Variants in DYNLT2 observed in about 807,000 individuals in gnomAD.
DYNLT2 encodes dynein light chain Tctex-type protein 2.
A neutral mutation model predicts 24.3 loss-of-function variants in DYNLT2; 24 were observed. The ratio of observed to expected loss-of-function variants is 0.99; its 90% CI spans 0.71 to 1.39. The LOEUF is 1.39. DYNLT2 is among the 40% of genes most tolerant of loss of function. DYNLT2 has a pLI of 0.00. For synonymous variants in DYNLT2, 85 were observed against 85.4 expected (o/e 1.00, Z 0.03); for missense variants, 246 against 234.5 (o/e 1.05, Z -0.32).
chr6:169,750,542 A>T (rs750553453), intron 1 of DYNLT2: 4 of 152,204 alleles, frequency 2.6e-5, no homozygotes, highest in Non-Finnish European at 4.4e-5. Flanking sequence ...TTTGCCTGTC[A>T]TCTCTATCTT....
chr6:169,727,716 A>G, the DYNLT2 span, among the ~76,000 whole-genome samples: 53 of 152,054 alleles, frequency 3.5e-4, no homozygotes, highest in Middle Eastern at 3.4e-3. Context: ...GGTGCCCGCT[A>G]CCACACCTGG....
intron 1 of DYNLT2, among the ~76,000 whole-genome samples, chr6:169,745,479 T>C (rs1254801306): frequency 6.6e-6 from 1 of 152,166 alleles, no homozygotes; most frequent in East Asian, 1.9e-4. Flanking sequence ...GGGGTGTTTT[T>C]ATAATAAAAG....
At chr6:169,741,562 G>A (rs551853613) in intron 3 of DYNLT2, among the ~76,000 whole-genome samples, 2 of 152,258 alleles carry the variant, frequency 1.3e-5, no homozygotes, top group East Asian at 1.9e-4. Flanking sequence ...GGGGTGGTTT[G>A]TTATACAATA....
the DYNLT2 span, among the ~76,000 whole-genome samples, chr6:169,732,254 C>T: frequency 6.6e-6 from 1 of 151,920 alleles, no homozygotes; most frequent in African/African-American, 2.4e-5. Flanking sequence ...CAGAAGGAAA[C>T]TCTCAGGGAA....
At chr6:169,744,334 A>T (rs543040475) in intron 1 of DYNLT2, 60 bp from the exon 2 acceptor site, 2 of 1,443,516 alleles carry the variant, frequency 1.4e-6, no homozygotes, top group Non-Finnish European at 9.5e-7. Context: ...TTAAACTGTA[A>T]ATGAGTTTTC....
intron 1 of DYNLT2, among the ~76,000 whole-genome samples, chr6:169,747,780 T>G (rs1256540064): frequency 6.6e-6 from 1 of 152,252 alleles, no homozygotes; most frequent in Non-Finnish European, 1.5e-5. Flanking sequence ...CTGTTTTTAC[T>G]GCTTCTTCAA....
downstream of DYNLT2, among the ~76,000 whole-genome samples, chr6:169,736,646 A>T (rs186283208): frequency 8.9e-4 from 136 of 152,086 alleles, no homozygotes; most frequent in African/African-American, 3.2e-3. Context: ...TTGACCCTCA[A>T]TCTCTTCTGG....
At chr6:169,733,218 T>C in the DYNLT2 span, among the ~76,000 whole-genome samples, 3,515 of 152,238 alleles carry the variant, frequency 0.023, 99 homozygotes, top group South Asian at 0.15. Flanking sequence ...GCAAAAATTT[T>C]CTCCCATTCT....
downstream of DYNLT2, among the ~76,000 whole-genome samples, chr6:169,737,995 G>C (rs1789596734): frequency 6.6e-6 from 1 of 150,416 alleles, no homozygotes; most frequent in Admixed American, 6.6e-5. Context: ...TTCTGTCCCT[G>C]AGCCTCTGGC....
At chr6:169,738,825 G>A (rs1291784903), downstream of DYNLT2, 1 of 152,252 alleles carries the variant, frequency 6.6e-6, no homozygotes, top group Non-Finnish European at 1.5e-5. Flanking sequence ...TCTTCACAAG[G>A]CAGCAGGAGG....
chr6:169,746,609 A>G (rs1293399986), intron 1 of DYNLT2, among the ~76,000 whole-genome samples: 1 of 152,106 alleles, frequency 6.6e-6, no homozygotes, highest in East Asian at 1.9e-4. Flanking sequence ...AGTTACTTAA[A>G]TTGTGATAAT....
At chr6:169,737,503 G>A (rs1383785886), downstream of DYNLT2, among the ~76,000 whole-genome samples, 4 of 152,208 alleles carry the variant, frequency 2.6e-5, no homozygotes, top group East Asian at 1.9e-4. Flanking sequence ...TGGGGTTTTT[G>A]TGGGGGCCTT....
chr6:169,737,303 G>C (rs536756562), downstream of DYNLT2, among the ~76,000 whole-genome samples: 3 of 152,282 alleles, frequency 2.0e-5, no homozygotes, highest in Non-Finnish European at 2.9e-5. Context: ...CACATCTTCT[G>C]AAGTCTACTT....
the DYNLT2 span, among the ~76,000 whole-genome samples, chr6:169,728,336 G>A: frequency 3.3e-5 from 5 of 152,180 alleles, no homozygotes; most frequent in African/African-American, 1.2e-4. Flanking sequence ...GGTACTAGAG[G>A]TGGTGAGCTG....
chr6:169,741,425 G>A (rs1789676263), intron 3 of DYNLT2, among the ~76,000 whole-genome samples: 1 of 152,152 alleles, frequency 6.6e-6, no homozygotes, highest in Non-Finnish European at 1.5e-5. Context: ...TGCAGGCCCA[G>A]GTAAGTCATT....
At chr6:169,744,793 T>C (rs1000892020) in intron 1 of DYNLT2, among the ~76,000 whole-genome samples, 1 of 152,246 alleles carries the variant, frequency 6.6e-6, no homozygotes, top group African/African-American at 2.4e-5. Flanking sequence ...ATTTGATATA[T>C]ATATCAGTTC....
At chr6:169,733,731 C>G in the DYNLT2 span, among the ~76,000 whole-genome samples, 7 of 152,278 alleles carry the variant, frequency 4.6e-5, no homozygotes, top group African/African-American at 1.2e-4. Context: ...ATGCCTCCAG[C>G]TTTGTTCTTT....
At chr6:169,731,774 A>T in the DYNLT2 span, among the ~76,000 whole-genome samples, 6 of 152,224 alleles carry the variant, frequency 3.9e-5, no homozygotes, top group Non-Finnish European at 8.8e-5. Flanking sequence ...AAAAAATTAA[A>T]ATCTATAGAA....
chr6:169,732,194 G>C, the DYNLT2 span, among the ~76,000 whole-genome samples: 2 of 151,806 alleles, frequency 1.3e-5, no homozygotes, highest in African/African-American at 4.8e-5. Context: ...TTTTCACCAA[G>C]CATATTTTTC....
Sources: allele counts gnomAD v4.1 joint callset (sites outside exome capture counted in the v4.1 genomes callset), GRCh38; gene constraint gnomAD v4.1.1; transcripts MANE v1.5; gene names NCBI Gene and HGNC (gene_info 2026-07-23, HGNC 2026-07-21).